PPP2R5C: variants seen among roughly 807,000 people sequenced by gnomAD.
PPP2R5C encodes the protein protein phosphatase 2 regulatory subunit B'gamma, also known as serine/threonine-protein phosphatase 2A 56 kDa regulatory subunit gamma isoform.
In PPP2R5C, 7 loss-of-function variants were observed where a neutral mutation model predicts 68.9. That is an observed-to-expected ratio of 0.10 (90% CI 0.06 to 0.19). The LOEUF (loss-of-function observed/expected upper bound fraction) is 0.19. Among genes scored for constraint, PPP2R5C ranks in the 10% least tolerant of loss-of-function variants. The pLI, the probability that PPP2R5C is intolerant of heterozygous loss-of-function variation, is 1.00. For synonymous variants in PPP2R5C, 210 were observed against 222.2 expected, an observed-to-expected ratio of 0.95 and a Z score of 0.49; for missense variants, 348 against 641.3, an observed-to-expected ratio of 0.54 and a Z score of 4.94.
chr14:101,864,579 G>A (rs913295540), intron 2 of PPP2R5C, among the ~76,000 whole-genome samples: 3 of 152,166 alleles, frequency 2.0e-5, no homozygotes, highest in Non-Finnish European at 4.4e-5. Flanking sequence ...CTAACCCCTT[G>A]CCTGGGCGCC....
chr14:101,810,134 C>A (rs1472259581), intron 1 of PPP2R5C: 1 of 1,116,074 alleles, frequency 9.0e-7, no homozygotes, highest in Non-Finnish European at 1.3e-6. Context: ...TCCTTTCTAG[C>A]AGAATTCACC....
At chr14:101,806,163 A>G (rs550407918), upstream of PPP2R5C, among the ~76,000 whole-genome samples, 1 of 152,246 alleles carries the variant, frequency 6.6e-6, no homozygotes, top group Admixed American at 6.5e-5. Context: ...GCATAGGTAT[A>G]CATGTGTCAT....
Position 101,887,846 on chromosome 14 carries a change from A to G in PPP2R5C, c.630-2391A>G, listed in dbSNP as rs867582072. On this transcript the variant is annotated intron_variant, in intron 5 of 13. Coordinates refer to ENST00000334743, the Ensembl canonical transcript of PPP2R5C. Reference sequence around the variant, plus strand: ...TTTAGAATCCTTTCTGGAGACTTCTATAGCCAGCAGGTTCCCAGCTTAGTG... The same window carrying G: ...TTTAGAATCCTTTCTGGAGACTTCTGTAGCCAGCAGGTTCCCAGCTTAGTG... Among the ~76,000 whole-genome samples the G allele has an allele frequency of 5.3e-5, 8 of 152,270 alleles. No individual in the cohort carries two copies. In the South Asian group the frequency reaches 1.5e-3, roughly 28 times the overall value.
At chr14:101,824,098 C>T (rs1365068608) in intron 1 of PPP2R5C, 31 of 1,288,964 alleles carry the variant, frequency 2.4e-5, no homozygotes, top group Middle Eastern at 4.2e-4. Flanking sequence ...ACTTGATTTT[C>T]GGAGCTCGCA....
At chr14:101,885,283 AC>A (rs973665784) in intron 5 of PPP2R5C, among the ~76,000 whole-genome samples, 6 of 150,318 alleles carry the variant, frequency 4.0e-5, no homozygotes, top group South Asian at 2.1e-4. Flanking sequence ...GGCAGATGAG[AC>A]CCCCCCTGCC....
intron 11 of PPP2R5C, among the ~76,000 whole-genome samples, chr14:101,911,564 G>A (rs2141111157): frequency 6.6e-6 from 1 of 152,238 alleles, no homozygotes; most frequent in South Asian, 2.1e-4. Flanking sequence ...CTTAAAGGTT[G>A]TGTAGTACAT....
Position 101,767,604 on chromosome 14 carries a change from A to C in PPP2R5C, c.93+4634A>C, listed in dbSNP as rs190800235. Among the ~76,000 whole-genome samples, 52 of 152,296 alleles carry C rather than the reference A, an allele frequency of 3.4e-4. No individual in the cohort carries two copies. The East Asian group carries it at 8.5e-3, about 25-fold the overall frequency. Reference sequence around the variant, plus strand: ...TCCATACAACCCTAAGCTGAACTTGAGTGAAAGAGAAGACCAAGAGAAGTA... The same window carrying C: ...TCCATACAACCCTAAGCTGAACTTGCGTGAAAGAGAAGACCAAGAGAAGTA... On this transcript the variant is annotated intron_variant, in intron 2 of 14. Coordinates refer to the PPP2R5C transcript ENST00000328724.
chr14:101,889,267 AG>A lies in PPP2R5C; in HGVS notation c.630-967del, dbSNP rs1428283337. The stretch of plus-strand genomic sequence containing the variant: ...ATCAAATGGTTTTCATCTGATGGGC[AG>A]GGATCTTTCAGACCCTCTCACTGCA... On this transcript the variant is annotated intron_variant, in intron 5 of 13. Transcript: ENST00000334743. 2.0e-5 allele frequency among the ~76,000 whole-genome samples: 3 copies of A among 152,186 alleles called. No homozygotes were observed. The East Asian group carries it at 5.8e-4, about 29-fold the overall frequency.
Position 101,915,240 on chromosome 14 carries a change from C to G in PPP2R5C, c.1327-2591C>G, listed in dbSNP as rs1471320277. Among the ~76,000 whole-genome samples, 2 of 152,114 alleles carry G rather than the reference C, an allele frequency of 1.3e-5. No homozygotes were observed. Among genetic ancestry groups the G allele is most frequent in the Non-Finnish European group, 2.9e-5 (2 of 68,024 alleles). On this transcript the variant is annotated intron_variant, in intron 12 of 13. Coordinates refer to ENST00000334743, the Ensembl canonical transcript of PPP2R5C. This position sits in a 1 kb window ranked among gnomAD's most constrained non-coding sequence, Gnocchi z 4.2. ...GGGACTACAGGTGCACGCCACCATG[C>G]CTGGCTAATTTTTGTATTTTTAGTA...
intron 3 of PPP2R5C, among the ~76,000 whole-genome samples, chr14:101,792,100 G>A (rs928551859): frequency 5.3e-5 from 8 of 152,122 alleles, no homozygotes; most frequent in African/African-American, 1.7e-4. Context: ...ACCCCACTGC[G>A]GTTCCTGTAA....
At chr14:101,883,335 A>C in exon 4 of PPP2R5C, 1 of 1,602,488 alleles carries the variant, frequency 6.2e-7, no homozygotes, top group Non-Finnish European at 8.5e-7. Flanking sequence ...TATTGATCAG[A>C]AGTTTGTATT....
intron 13 of PPP2R5C, among the ~76,000 whole-genome samples, chr14:101,920,354 C>T (rs986064561): frequency 1.3e-5 from 2 of 152,188 alleles, no homozygotes; most frequent in African/African-American, 4.8e-5. Context: ...AGGAACCAGT[C>T]CTATGGCCAT....
intron 1 of PPP2R5C, among the ~76,000 whole-genome samples, chr14:101,827,187 G>A (rs2040451985): frequency 6.6e-6 from 1 of 151,848 alleles, no homozygotes; most frequent in Non-Finnish European, 1.5e-5. Context: ...TCTTGGCCAG[G>A]CTGGTCTCAA....
chr14:101,814,741 CACAAAG>C (rs1484365902), intron 1 of PPP2R5C, among the ~76,000 whole-genome samples: 2 of 152,172 alleles, frequency 1.3e-5, no homozygotes, highest in South Asian at 2.1e-4. Context: ...TAGACAGAAA[CACAAAG>C]ACAAAGTGGT....
chr14:101,799,585 T>G (rs1813560589), intron 3 of PPP2R5C, among the ~76,000 whole-genome samples: 1 of 152,228 alleles, frequency 6.6e-6, no homozygotes, highest in South Asian at 2.1e-4. Flanking sequence ...TATGAGCCTC[T>G]TCTGGGTTGC....
At chr14:101,826,873 G>GT (rs1207320330) in intron 1 of PPP2R5C, among the ~76,000 whole-genome samples, 4 of 147,118 alleles carry the variant, frequency 2.7e-5, no homozygotes, top group Non-Finnish European at 6.0e-5. Flanking sequence ...CCCCTAAAAT[G>GT]TTTAAGTTTC....
intron 1 of PPP2R5C, among the ~76,000 whole-genome samples, chr14:101,815,869 C>T (rs1444672725): frequency 2.0e-5 from 3 of 152,020 alleles, no homozygotes; most frequent in Non-Finnish European, 2.9e-5. Flanking sequence ...AGGGTTTCAC[C>T]GTGATGGCCA....
At chr14:101,826,740 G>A (rs2040422847) in intron 1 of PPP2R5C, among the ~76,000 whole-genome samples, 1 of 151,916 alleles carries the variant, frequency 6.6e-6, no homozygotes, top group Admixed American at 6.6e-5. Flanking sequence ...GCCTTTCCTG[G>A]GTTAGAATCA....
intron 2 of PPP2R5C, among the ~76,000 whole-genome samples, chr14:101,868,698 A>C (rs1263608185): frequency 1.3e-5 from 2 of 152,228 alleles, no homozygotes; most frequent in African/African-American, 4.8e-5. Flanking sequence ...GCAGTGAAGA[A>C]ATTACTAAGA....
Sources: gnomAD v4.1 joint callset for allele counts (sites outside exome capture counted in the v4.1 genomes callset) on GRCh38, gnomAD v4.1.1 for gene constraint, Gnocchi (gnomAD v3.1) non-coding constraint, MANE v1.5 for transcripts, NCBI Gene and HGNC (gene_info 2026-07-23, HGNC 2026-07-21) for gene names.